EEFSEC: variants seen among roughly 807,000 people sequenced by gnomAD.
EEFSEC encodes selenocysteine-specific elongation factor.
Under a neutral mutation model 42.1 loss-of-function variants are expected in EEFSEC, and 43 were observed. The observed-to-expected ratio is 1.02, with a 90% CI of 0.80 to 1.32. The LOEUF (loss-of-function observed/expected upper bound fraction) is 1.32, where lower values mean the gene tolerates loss of function less well. Ranked by LOEUF, EEFSEC falls within the 40% of genes most tolerant of loss-of-function variation. The probability of loss-of-function intolerance (pLI) is 0.00; values close to 1 mark genes in which losing one functional copy is unlikely to be tolerated. For missense variants in EEFSEC, 745 were observed against 803.6 expected (o/e 0.93, Z 0.88); for synonymous variants, 354 against 339.1 (o/e 1.04, Z -0.48).
At chr3:128,353,757 T>C (rs1033351003) in intron 5 of EEFSEC, among the ~76,000 whole-genome samples, 3 of 152,128 alleles carry the variant, frequency 2.0e-5, no homozygotes, top group African/African-American at 4.8e-5. Context: ...ACAGTCTGAG[T>C]TGGAATGGGG....
intron 1 of EEFSEC, among the ~76,000 whole-genome samples, chr3:128,182,221 G>T (rs1380201084): frequency 2.6e-5 from 4 of 151,900 alleles, no homozygotes; most frequent in Admixed American, 2.6e-4. Flanking sequence ...CTTGTGTAAT[G>T]CCCCCGCACA....
intron 1 of EEFSEC, among the ~76,000 whole-genome samples, chr3:128,173,466 C>T (rs954147789): frequency 6.6e-6 from 1 of 152,122 alleles, no homozygotes; most frequent in Non-Finnish European, 1.5e-5. Flanking sequence ...CTGCAATGAA[C>T]GACGTGAATG....
chr3:128,334,412 C>G (rs1478623233), intron 4 of EEFSEC, among the ~76,000 whole-genome samples: 2 of 152,214 alleles, frequency 1.3e-5, no homozygotes, highest in East Asian at 3.9e-4. Context: ...CTGGCTGAGC[C>G]CCGAGTCTGG....
intron 2 of EEFSEC, among the ~76,000 whole-genome samples, chr3:128,252,193 AC>A (rs1379493706): frequency 1.3e-5 from 2 of 152,026 alleles, no homozygotes; most frequent in East Asian, 3.9e-4. Flanking sequence ...CCCACCAGGG[AC>A]TCCATTGATC....
At chr3:128,243,192 G>A (rs952504940) in intron 1 of EEFSEC, among the ~76,000 whole-genome samples, 1 of 152,206 alleles carries the variant, frequency 6.6e-6, no homozygotes, top group African/African-American at 2.4e-5. Context: ...TGCTGGCTGC[G>A]CTGCACGGGG....
intron 1 of EEFSEC, among the ~76,000 whole-genome samples, chr3:128,243,542 A>T (rs1190215036): frequency 6.6e-6 from 1 of 152,226 alleles, no homozygotes; most frequent in Non-Finnish European, 1.5e-5. Flanking sequence ...TCCAGCAACG[A>T]TGTATTAAGC....
intron 4 of EEFSEC, among the ~76,000 whole-genome samples, chr3:128,320,118 G>A (rs563422642): frequency 1.3e-5 from 2 of 152,382 alleles, no homozygotes; most frequent in South Asian, 2.1e-4. Flanking sequence ...CAATGGCAGA[G>A]TCAAGTAGTT....
chr3:128,198,159 G>A (rs1349855799), intron 1 of EEFSEC, among the ~76,000 whole-genome samples: 2 of 152,166 alleles, frequency 1.3e-5, no homozygotes, highest in Admixed American at 1.3e-4. Context: ...GGGATGAAAG[G>A]GAAGGAGAAG....
intron 1 of EEFSEC, among the ~76,000 whole-genome samples, chr3:128,161,143 G>A (rs1173280365): frequency 6.6e-6 from 1 of 152,164 alleles, no homozygotes. Flanking sequence ...CAGTGTGAAT[G>A]AAAAAGTGTA....
At chr3:128,236,423 C>T (rs1455496895) in intron 1 of EEFSEC, among the ~76,000 whole-genome samples, 8 of 151,994 alleles carry the variant, frequency 5.3e-5, no homozygotes, top group African/African-American at 1.9e-4. Flanking sequence ...TGGCGGGGGG[C>T]GGGGGTGGCG....
chr3:128,249,377 A>C (rs924267525), intron 2 of EEFSEC, among the ~76,000 whole-genome samples: 3 of 152,178 alleles, frequency 2.0e-5, no homozygotes, highest in African/African-American at 7.2e-5. Context: ...CTTTTTAACT[A>C]TGTGTAGTAT....
chr3:128,361,949 G>A (rs1358924395), intron 6 of EEFSEC, among the ~76,000 whole-genome samples: 1 of 152,168 alleles, frequency 6.6e-6, no homozygotes, highest in Non-Finnish European at 1.5e-5. Flanking sequence ...AGTGAGTCTT[G>A]TTATCTCCAT....
chr3:128,290,450 A>C (rs1018773146), intron 4 of EEFSEC, among the ~76,000 whole-genome samples: 1 of 152,120 alleles, frequency 6.6e-6, no homozygotes, highest in Non-Finnish European at 1.5e-5. Context: ...TTGTCTTCTC[A>C]TGCTATCTTG....
chr3:128,396,155 G>A (rs1056423563), intron 6 of EEFSEC, among the ~76,000 whole-genome samples: 1 of 152,168 alleles, frequency 6.6e-6, no homozygotes, highest in African/African-American at 2.4e-5. Context: ...AGGCACATGT[G>A]TATCTGTGTG....
intron 1 of EEFSEC, among the ~76,000 whole-genome samples, chr3:128,233,008 T>C (rs914898478): frequency 2.0e-5 from 3 of 152,200 alleles, no homozygotes; most frequent in Non-Finnish European, 4.4e-5. Context: ...ATTGCCTCCC[T>C]AGGGGTGGGC....
chr3:128,354,576 C>T (rs1209562316), intron 5 of EEFSEC, among the ~76,000 whole-genome samples: 1 of 152,114 alleles, frequency 6.6e-6, no homozygotes, highest in Non-Finnish European at 1.5e-5. Context: ...TGGCTCTAGT[C>T]CTTTGTTTAT....
At chr3:128,374,404 G>C (rs905971551) in intron 6 of EEFSEC, among the ~76,000 whole-genome samples, 1 of 152,128 alleles carries the variant, frequency 6.6e-6, no homozygotes, top group African/African-American at 2.4e-5. Flanking sequence ...CGTTATTATG[G>C]CCAACATTCA....
At chr3:128,197,583 A>G (rs2065598384) in intron 1 of EEFSEC, among the ~76,000 whole-genome samples, 1 of 152,098 alleles carries the variant, frequency 6.6e-6, no homozygotes, top group South Asian at 2.1e-4. Context: ...GGAAATACGC[A>G]TTTTTACATC....
chr3:128,247,642 A>C (rs2066141808), intron 2 of EEFSEC, among the ~76,000 whole-genome samples: 1 of 152,224 alleles, frequency 6.6e-6, no homozygotes, highest in South Asian at 2.1e-4. Flanking sequence ...ATCTTCTGCC[A>C]AGGAGTTTAC....
Sources: gnomAD v4.1 joint callset for allele counts (sites outside exome capture counted in the v4.1 genomes callset) on GRCh38, gnomAD v4.1.1 for gene constraint, MANE v1.5 for transcripts, NCBI Gene and HGNC (gene_info 2026-07-23, HGNC 2026-07-21) for gene names.